Variants in NAV1 observed in about 807,000 individuals in gnomAD.
NAV1 encodes the protein pore membrane and/or filament interacting like protein 3.
NAV1 carries 18 observed loss-of-function variants against 175.2 expected under a neutral mutation model. That is an observed-to-expected ratio of 0.10 (90% CI 0.07 to 0.15). NAV1 has a LOEUF of 0.15. NAV1 is among the 10% of genes least tolerant of loss of function. The probability of loss-of-function intolerance (pLI) is 1.00; values close to 1 mark genes in which losing one functional copy is unlikely to be tolerated. For missense variants in NAV1, 1,731 were observed against 2,436.6 expected (o/e 0.71, Z 6.10); for synonymous variants, 897 against 978.7 (o/e 0.92, Z 1.56).
intron 1 of NAV1, among the ~76,000 whole-genome samples, chr1:201,709,246 T>G (rs1671797551): frequency 1.3e-5 from 2 of 151,812 alleles, no homozygotes; most frequent in African/African-American, 4.8e-5. Context: ...ATGCTCACCC[T>G]CACAGGAGAT....
chr1:201,665,643 C>T (rs999230609), intron 1 of NAV1, among the ~76,000 whole-genome samples: 2 of 150,216 alleles, frequency 1.3e-5, no homozygotes, highest in Admixed American at 1.3e-4. Context: ...CTTCACTCCT[C>T]CCTTGGCTGA....
intron 1 of NAV1, among the ~76,000 whole-genome samples, chr1:201,674,587 A>G (rs1359518047): frequency 1.3e-5 from 2 of 152,224 alleles, no homozygotes; most frequent in Non-Finnish European, 2.9e-5. Context: ...CTGTATAGGA[A>G]GCATGGTGCA....
rs1670968614 is a variant in NAV1 at position 201,692,037 on chromosome 1, T to A, written c.758-20780T>A. Reference sequence around the variant, plus strand: ...GGCTCCATTTTCCAGGCCATATCTCTTTTCCCTTTACCCTGCCCCATTCCT... The same window carrying A: ...GGCTCCATTTTCCAGGCCATATCTCATTTCCCTTTACCCTGCCCCATTCCT... On this transcript the variant is annotated intron_variant, in intron 1 of 29. Coordinates refer to ENST00000367296, the Ensembl canonical transcript of NAV1. Among the ~76,000 whole-genome samples, 7 of 152,342 alleles carry A rather than the reference T, an allele frequency of 4.6e-5. No individual in the cohort carries two copies. In the South Asian group the frequency reaches 1.5e-3, roughly 32 times the overall value.
chr1:201,666,973 G>A (rs372487475), intron 1 of NAV1, among the ~76,000 whole-genome samples: 2 of 152,272 alleles, frequency 1.3e-5, no homozygotes, highest in Admixed American at 6.5e-5. Context: ...CCCTCTCCAT[G>A]AAGCCAGGCC....
At chr1:201,798,579 C>T (rs1677605240) in intron 15 of NAV1, 2 of 142,854 alleles carry the variant, frequency 1.4e-5, no homozygotes, top group African/African-American at 5.3e-5. Context: ...TGCACTGACT[C>T]CAGCCTGGGT....
At chr1:201,779,033 A>G (rs1048748801) in intron 3 of NAV1, among the ~76,000 whole-genome samples, 7 of 152,218 alleles carry the variant, frequency 4.6e-5, no homozygotes, top group Non-Finnish European at 1.0e-4. Flanking sequence ...GTCTTACTGA[A>G]CTTCCGTGTT....
At chr1:201,574,783 T>A (rs1449564558) in intron 1 of NAV1, among the ~76,000 whole-genome samples, 3 of 152,080 alleles carry the variant, frequency 2.0e-5, no homozygotes. Context: ...GCCCTGACCC[T>A]CCCTGCCTCT....
At position 201,785,295 on chromosome 1, in the gene NAV1, TTTTTA is replaced by T. The variant is rs747261389; in HGVS notation, c.2805-13_2805-9del. The T allele has an allele frequency of 1.9e-6, 3 of 1,600,922 alleles. No homozygotes were observed. The highest frequency in any genetic ancestry group is 2.7e-5 in the African/African-American group (2 of 73,534). ...CTCTCTCTCTCTCTTTTTTTTTTTT[TTTTTA>T]TCTCCACAGTAATCAGCGGGATCGG... On this transcript the variant is annotated splice_polypyrimidine_tract_variant and intron_variant, in intron 7 of 29. Coordinates refer to ENST00000367296, the Ensembl canonical transcript of NAV1.
Position 201,562,808 on chromosome 1 carries a change from G to A in NAV1, c.-144+23466G>A, listed in dbSNP as rs1008139891. On this transcript the variant is annotated intron_variant, in intron 1 of 33. Coordinates refer to the NAV1 transcript ENST00000685211. ...TGGAAGGGAGCAGGCAGGGAGGGGT[G>A]GGGCAGGCCCTGCCTACAGAGCCTG... Among the ~76,000 whole-genome samples, 5 of 152,130 alleles carry A rather than the reference G, an allele frequency of 3.3e-5. No homozygotes were observed. In the South Asian group the frequency reaches 8.3e-4, roughly 25 times the overall value.
intron 3 of NAV1, among the ~76,000 whole-genome samples, chr1:201,720,116 G>A (rs571670489): frequency 6.6e-6 from 1 of 152,356 alleles, no homozygotes; most frequent in South Asian, 2.1e-4. Flanking sequence ...GCAGTGCACA[G>A]ATCCTGAGCT....
chr1:201,674,595 G>A (rs776498088), intron 1 of NAV1, among the ~76,000 whole-genome samples: 26 of 152,338 alleles, frequency 1.7e-4, no homozygotes, highest in Non-Finnish European at 3.4e-4. Context: ...GAAGCATGGT[G>A]CAGGCATCTG....
intron 2 of NAV1, among the ~76,000 whole-genome samples, chr1:201,614,670 G>T (rs1238634242): frequency 6.6e-6 from 1 of 152,208 alleles, no homozygotes; most frequent in Non-Finnish European, 1.5e-5. Context: ...GGGGCCTGGC[G>T]CTGGAATGAG....
rs535995804 is a variant in NAV1, at chr1:201,729,362, T to C, written c.1226+10607T>C. 1.6e-4 allele frequency among the ~76,000 whole-genome samples: 25 copies of C among 152,354 alleles called. 1 individual carries two copies. The South Asian group carries it at 5.2e-3, about 32-fold the overall frequency. Reference sequence around the variant, plus strand: ...AATATAGTGTATGTAATACACTTGGTGGCCAGGCACAGTGGCTCACACCTG... The same window carrying C: ...AATATAGTGTATGTAATACACTTGGCGGCCAGGCACAGTGGCTCACACCTG... On this transcript the variant is annotated intron_variant, in intron 3 of 29. Transcript: ENST00000367296.
At chr1:201,540,212 T>A (rs1340618979) in intron 1 of NAV1, among the ~76,000 whole-genome samples, 1 of 152,194 alleles carries the variant, frequency 6.6e-6, no homozygotes. Context: ...CCTTGTCCCC[T>A]GGAGCCGAAC....
chr1:201,605,680 T>C (rs1298498845), intron 2 of NAV1, among the ~76,000 whole-genome samples: 1 of 152,226 alleles, frequency 6.6e-6, no homozygotes, highest in Non-Finnish European at 1.5e-5. Context: ...GGGAGGATTT[T>C]TTAATAGTTG....
At chr1:201,752,413 G>C (rs1407302053) in intron 3 of NAV1, among the ~76,000 whole-genome samples, 1 of 152,170 alleles carries the variant, frequency 6.6e-6, no homozygotes, top group Non-Finnish European at 1.5e-5. Context: ...TAGTGGGGGA[G>C]GAAGCTATTC....
At chr1:201,655,551 GCTGCTT>G (rs1309573148) in intron 1 of NAV1, among the ~76,000 whole-genome samples, 1 of 152,202 alleles carries the variant, frequency 6.6e-6, no homozygotes, top group Non-Finnish European at 1.5e-5. Context: ...CCCCCACACT[GCTGCTT>G]CTGGGGACTG....
At chr1:201,801,350 A>T (rs1341417223) in intron 15 of NAV1, among the ~76,000 whole-genome samples, 1 of 152,124 alleles carries the variant, frequency 6.6e-6, no homozygotes, top group African/African-American at 2.4e-5. Flanking sequence ...ACCAAACCTT[A>T]CCCACATCTC....
intron 2 of NAV1, among the ~76,000 whole-genome samples, chr1:201,610,268 T>C (rs1014167378): frequency 6.6e-6 from 1 of 152,250 alleles, no homozygotes; most frequent in African/African-American, 2.4e-5. Context: ...CTGGGGATAC[T>C]GAAAGTGGAG....
Sources: gnomAD v4.1 joint callset for allele counts (sites outside exome capture counted in the v4.1 genomes callset) on GRCh38, gnomAD v4.1.1 for gene constraint, MANE v1.5 for transcripts, NCBI Gene and HGNC (gene_info 2026-07-23, HGNC 2026-07-21) for gene names.